MAP4K4: variants seen among roughly 807,000 people sequenced by gnomAD.
The protein encoded by MAP4K4 is HPK/GCK-like kinase HGK.
Under a neutral mutation model 189.6 loss-of-function variants are expected in MAP4K4, and 38 were observed. That is an observed-to-expected ratio of 0.20 (90% CI 0.15 to 0.26). The LOEUF (loss-of-function observed/expected upper bound fraction) is 0.26, where lower values mean the gene tolerates loss of function less well. Among genes scored for constraint, MAP4K4 ranks in the 10% least tolerant of loss-of-function variants. The pLI, the probability that MAP4K4 is intolerant of heterozygous loss-of-function variation, is 1.00. For missense variants in MAP4K4, 1,054 were observed against 1,726.9 expected (o/e 0.61, Z 6.91); for synonymous variants, 610 against 624.3 (o/e 0.98, Z 0.34).
intron 3 of MAP4K4, among the ~76,000 whole-genome samples, chr2:101,800,918 C>T (rs932705979): frequency 1.3e-5 from 2 of 152,144 alleles, no homozygotes; most frequent in Non-Finnish European, 2.9e-5. Context: ...TGAATATCCA[C>T]AGTTTCTTAG....
chr2:101,859,187 G>C lies in MAP4K4; in HGVS notation c.1482+105G>C, dbSNP rs933089628. On this transcript the variant is annotated intron_variant, in intron 14 of 32. Transcript: ENST00000324219. ...ACCAGACCATTTTGGTTTTGCTGTGGGCAGCCAGGCTGAAATAGTGATGCC... is the reference window on the plus strand; with the variant it reads ...ACCAGACCATTTTGGTTTTGCTGTGCGCAGCCAGGCTGAAATAGTGATGCC... The C allele has an allele frequency of 3.3e-6, 3 of 920,002 alleles. No homozygotes were observed. The African/African-American group carries it at 5.0e-5, about 15-fold the overall frequency. The allele number at this position is 920,002 out of a possible 1,614,324, so 57.0% of individuals were successfully genotyped here.
At chr2:101,738,262 C>T (rs1407391857) in intron 2 of MAP4K4, among the ~76,000 whole-genome samples, 1 of 152,050 alleles carries the variant, frequency 6.6e-6, no homozygotes. Flanking sequence ...TGTCTTAGTC[C>T]ATTGAACAAA....
chr2:101,796,507 G>A (rs566012809), intron 3 of MAP4K4, among the ~76,000 whole-genome samples: 74 of 152,252 alleles, frequency 4.9e-4, no homozygotes, highest in African/African-American at 1.8e-3. Context: ...TTAGAACCTG[G>A]ATCTTTGATT....
intron 2 of MAP4K4, among the ~76,000 whole-genome samples, chr2:101,716,422 G>A (rs1342809661): frequency 2.6e-5 from 4 of 151,684 alleles, no homozygotes; most frequent in African/African-American, 9.7e-5. Context: ...CAGCCTGGGC[G>A]ACAGAGCGAG....
At chr2:101,748,561 C>A (rs2066830829) in intron 2 of MAP4K4, among the ~76,000 whole-genome samples, 1 of 152,162 alleles carries the variant, frequency 6.6e-6, no homozygotes, top group South Asian at 2.1e-4. Flanking sequence ...GTAATCCCAG[C>A]ACTTTGGGAG....
intron 2 of MAP4K4, among the ~76,000 whole-genome samples, chr2:101,700,131 G>A (rs930000417): frequency 3.9e-5 from 6 of 152,164 alleles, no homozygotes; most frequent in African/African-American, 1.4e-4. Flanking sequence ...GTCTTACTTG[G>A]TCAGCATGGA....
At chr2:101,724,884 C>T (rs916623746) in intron 2 of MAP4K4, among the ~76,000 whole-genome samples, 2 of 152,014 alleles carry the variant, frequency 1.3e-5, no homozygotes, top group African/African-American at 2.4e-5. Context: ...GATGGTGGTC[C>T]TATAAGATTA....
chr2:101,732,069 A>G (rs906951465), intron 2 of MAP4K4, among the ~76,000 whole-genome samples: 1 of 152,168 alleles, frequency 6.6e-6, no homozygotes, highest in Non-Finnish European at 1.5e-5. Flanking sequence ...GGTAACATGT[A>G]TGTAAAACAA....
chr2:101,785,108 C>T (rs2089972574), intron 2 of MAP4K4, among the ~76,000 whole-genome samples: 2 of 152,222 alleles, frequency 1.3e-5, no homozygotes, highest in Non-Finnish European at 2.9e-5. Context: ...GTGTGTGCAC[C>T]CCTCTGGGCT....
intron 12 of MAP4K4, among the ~76,000 whole-genome samples, chr2:101,847,199 G>A (rs1373412825): frequency 1.3e-5 from 2 of 152,172 alleles, no homozygotes; most frequent in African/African-American, 4.8e-5. Context: ...TGATGCTGGT[G>A]TAAACTCATG....
At chr2:101,881,242 G>C (rs753467649) in intron 27 of MAP4K4, among the ~76,000 whole-genome samples, 26 of 152,018 alleles carry the variant, frequency 1.7e-4, no homozygotes, top group Non-Finnish European at 3.1e-4. Context: ...TAGTATAAAT[G>C]GTGTTGTAGT....
chr2:101,870,456 T>C (rs1335570012), intron 23 of MAP4K4, 41 bp downstream of exon 23: 2 of 1,609,472 alleles, frequency 1.2e-6, no homozygotes, highest in Non-Finnish European at 8.5e-7. Context: ...GAGCTTCTCC[T>C]GTGGTCATTA....
chr2:101,781,582 C>T (rs1226272210), intron 2 of MAP4K4, among the ~76,000 whole-genome samples: 1 of 152,090 alleles, frequency 6.6e-6, no homozygotes, highest in East Asian at 1.9e-4. Context: ...TTATAATAAA[C>T]TTGCTTTGGA....
At chr2:101,781,679 T>TTGC (rs1388413322) in intron 2 of MAP4K4, among the ~76,000 whole-genome samples, 1 of 152,198 alleles carries the variant, frequency 6.6e-6, no homozygotes, top group Admixed American at 6.5e-5. Context: ...CCCAACACTG[T>TTGC]TGCATTGGTA....
At chr2:101,704,499 C>CTT (rs777684766) in intron 2 of MAP4K4, among the ~76,000 whole-genome samples, 2 of 124,598 alleles carry the variant, frequency 1.6e-5, no homozygotes, top group South Asian at 2.6e-4. Flanking sequence ...CGTATTTTGC[C>CTT]TTTTTTCTTA....
chr2:101,874,598 T>C (rs1195257542), intron 26 of MAP4K4, among the ~76,000 whole-genome samples: 2 of 152,236 alleles, frequency 1.3e-5, no homozygotes, highest in Non-Finnish European at 1.5e-5. Flanking sequence ...ATTGTACCCC[T>C]GAACCCTGAG....
chr2:101,844,405 C>T, intron 12 of MAP4K4, 94 bp downstream of exon 12: 2 of 1,014,186 alleles, frequency 2.0e-6, no homozygotes, highest in Non-Finnish European at 2.9e-6. Context: ...TCTGTAGCTT[C>T]CTGGGGTAAT....
chr2:101,794,805 C>CATTTTTATTTTT (rs535223366), intron 3 of MAP4K4, among the ~76,000 whole-genome samples: 2 of 152,004 alleles, frequency 1.3e-5, no homozygotes, highest in Non-Finnish European at 2.9e-5. Context: ...TTCCTGCCTC[C>CATTTTTATTTTT]ATTTTTATTT....
chr2:101,804,934 C>T (rs575108758), intron 3 of MAP4K4, among the ~76,000 whole-genome samples: 20 of 151,906 alleles, frequency 1.3e-4, no homozygotes, highest in Middle Eastern at 3.4e-3. Context: ...ATTGGCCGAG[C>T]GTGGTGGCAC....
Sources: allele counts gnomAD v4.1 joint callset (sites outside exome capture counted in the v4.1 genomes callset), GRCh38; gene constraint gnomAD v4.1.1; transcripts MANE v1.5; gene names NCBI Gene and HGNC (gene_info 2026-07-23, HGNC 2026-07-21).